Variants in ZNF385D observed in about 807,000 individuals in gnomAD.
ZNF385D encodes zinc finger protein 659.
In ZNF385D, 15 loss-of-function variants were observed where a neutral mutation model predicts 35.8. That is an observed-to-expected ratio of 0.42 (90% CI 0.28 to 0.64). The LOEUF is 0.64. Among genes scored for constraint, ZNF385D ranks in the 30% least tolerant of loss-of-function variants. ZNF385D has a pLI of 0.23. For synonymous variants in ZNF385D, 212 were observed against 186.8 expected (o/e 1.13, Z -1.10); for missense variants, 474 against 494.6 (o/e 0.96, Z 0.39).
At chr3:21,558,849 G>A (rs4858332) in intron 3 of ZNF385D, among the ~76,000 whole-genome samples, 103,071 of 151,682 alleles carry the variant, frequency 0.68, 35,793 homozygotes, top group African/African-American at 0.84. Context: ...TATATAATTC[G>A]GATAGTTAGC....
At chr3:21,482,809 G>A (rs190253513) in intron 4 of ZNF385D, among the ~76,000 whole-genome samples, 13 of 152,112 alleles carry the variant, frequency 8.5e-5, no homozygotes, top group Admixed American at 4.6e-4. Context: ...TTTTCATTGC[G>A]GTGGTGGTGG....
chr3:22,143,322 G>C (rs909201504), intron 3 of ZNF385D, among the ~76,000 whole-genome samples: 12 of 152,012 alleles, frequency 7.9e-5, no homozygotes, highest in Non-Finnish European at 1.6e-4. Flanking sequence ...CTGACCTCCT[G>C]ATCTGCCCGC....
intron 2 of ZNF385D, among the ~76,000 whole-genome samples, chr3:21,658,264 T>C (rs1441044150): frequency 1.3e-5 from 2 of 152,044 alleles, no homozygotes; most frequent in Admixed American, 1.3e-4. Context: ...GGGCAACCAC[T>C]GGGATTTTTA....
rs141874006 is a variant in ZNF385D, at chr3:21,873,556, A to G, written c.326-208528T>C. On this transcript the variant is annotated intron_variant, in intron 3 of 5. Transcript: ENST00000494108. ...CAGTATGGTATTCTTAACTATAAGC[A>G]CTATGTTACACAGCTGATCTGCAGA... is the stretch of plus-strand genomic sequence containing the variant. Among the ~76,000 whole-genome samples, 516 of 152,240 alleles carry G rather than the reference A, an allele frequency of 3.4e-3. 1 individual carries two copies. Among genetic ancestry groups the G allele is most frequent in the African/African-American group, 0.012 (493 of 41,568 alleles).
intron 2 of ZNF385D, among the ~76,000 whole-genome samples, chr3:22,226,256 A>T (rs1698551409): frequency 6.6e-6 from 1 of 152,168 alleles, no homozygotes; most frequent in African/African-American, 2.4e-5. Context: ...TGGACACAAG[A>T]ATTATAAGCA....
chr3:21,468,081 T>G (rs950855529), intron 4 of ZNF385D, among the ~76,000 whole-genome samples: 31 of 152,104 alleles, frequency 2.0e-4, no homozygotes, highest in Admixed American at 4.6e-4. Context: ...TTCTAGGTAT[T>G]TACCAAAAAA....
intron 3 of ZNF385D, among the ~76,000 whole-genome samples, chr3:22,105,419 G>A (rs934771825): frequency 1.1e-4 from 16 of 150,758 alleles, no homozygotes; most frequent in Admixed American, 6.0e-4. Flanking sequence ...ATATATACAT[G>A]TACATATACA....
At chr3:22,142,116 A>G (rs1180295662) in intron 3 of ZNF385D, among the ~76,000 whole-genome samples, 1 of 152,218 alleles carries the variant, frequency 6.6e-6, no homozygotes, top group African/African-American at 2.4e-5. Context: ...AACCTTGGAA[A>G]ACACCCACAC....
intron 1 of ZNF385D, among the ~76,000 whole-genome samples, chr3:21,666,337 A>G (rs1015991946): frequency 2.0e-5 from 3 of 152,202 alleles, no homozygotes; most frequent in Non-Finnish European, 4.4e-5. Context: ...TTAATTAACC[A>G]TACACAAGAA....
chr3:21,963,639 G>A (rs1037850507), intron 3 of ZNF385D, among the ~76,000 whole-genome samples: 6 of 151,968 alleles, frequency 3.9e-5, no homozygotes, highest in African/African-American at 9.7e-5. Flanking sequence ...CCATTCATAC[G>A]CCTTTAAGTT....
chr3:22,017,795 C>G (rs1696980574), intron 3 of ZNF385D, among the ~76,000 whole-genome samples: 1 of 151,890 alleles, frequency 6.6e-6, no homozygotes, highest in Non-Finnish European at 1.5e-5. Context: ...ACAATCTGCC[C>G]AAATTATTTT....
intron 3 of ZNF385D, among the ~76,000 whole-genome samples, chr3:21,825,815 G>C (rs1485389099): frequency 6.6e-6 from 1 of 152,276 alleles, no homozygotes; most frequent in South Asian, 2.1e-4. Context: ...CCAGTCCCTC[G>C]CTTGTTAGGA....
intron 3 of ZNF385D, among the ~76,000 whole-genome samples, chr3:22,016,925 C>G (rs1696922518): frequency 6.7e-6 from 1 of 148,290 alleles, no homozygotes; most frequent in South Asian, 2.1e-4. Context: ...TCCTGTCCAT[C>G]CATCCATCGG....
At chr3:21,622,605 A>AT (rs755056309) in intron 2 of ZNF385D, among the ~76,000 whole-genome samples, 55 of 152,122 alleles carry the variant, frequency 3.6e-4, no homozygotes, top group Non-Finnish European at 7.1e-4. Flanking sequence ...GCTTCACGTA[A>AT]TATTACAGAT....
At chr3:21,488,994 T>TA (rs1323756412) in intron 4 of ZNF385D, among the ~76,000 whole-genome samples, 2 of 152,118 alleles carry the variant, frequency 1.3e-5, no homozygotes, top group Non-Finnish European at 2.9e-5. Flanking sequence ...CATTTGCAGT[T>TA]AGAGTCTATT....
chr3:21,516,831 A>T (rs1305685047), intron 3 of ZNF385D, among the ~76,000 whole-genome samples: 2 of 151,954 alleles, frequency 1.3e-5, no homozygotes, highest in African/African-American at 2.4e-5. Context: ...GGATAGAGGA[A>T]TGATTTTTTT....
rs77767028 is a variant in ZNF385D, at chr3:22,337,702, T to G, written c.106+34748A>C. The stretch of plus-strand genomic sequence containing the variant: ...ATAGAAACCAAACAGCAGAAATAAT[T>G]AAAAGCTTCAATATTCTCTACCTCC... On this transcript the variant is annotated intron_variant, in intron 2 of 5. Coordinates refer to the ZNF385D transcript ENST00000494108. Among the ~76,000 whole-genome samples the G allele has an allele frequency of 6.0e-4, 91 of 152,306 alleles. 1 individual carries two copies. The East Asian group carries it at 0.015, about 25-fold the overall frequency.
At chr3:22,159,831 C>T (rs918761443) in intron 3 of ZNF385D, among the ~76,000 whole-genome samples, 1 of 151,986 alleles carries the variant, frequency 6.6e-6, no homozygotes, top group Non-Finnish European at 1.5e-5. Context: ...CATGGCCTCC[C>T]CTCGGCTGAA....
At chr3:21,940,423 G>C (rs1396337988) in intron 3 of ZNF385D, among the ~76,000 whole-genome samples, 1 of 152,144 alleles carries the variant, frequency 6.6e-6, no homozygotes, top group Non-Finnish European at 1.5e-5. Context: ...GTGAAGATTA[G>C]GAAATACATA....
Sources: allele counts gnomAD v4.1 joint callset (sites outside exome capture counted in the v4.1 genomes callset), GRCh38; gene constraint gnomAD v4.1.1; transcripts MANE v1.5; gene names NCBI Gene and HGNC (gene_info 2026-07-23, HGNC 2026-07-21).